The following ANKS1B variants were observed in gnomAD, a reference collection of about 807,000 sequenced individuals.
The protein encoded by ANKS1B is ankyrin repeat and sterile alpha motif domain containing 1B, also known as ankyrin repeat and sterile alpha motif domain-containing protein 1B.
Under a neutral mutation model 148.3 loss-of-function variants are expected in ANKS1B, and 36 were observed. That is an observed-to-expected ratio of 0.24 (90% CI 0.19 to 0.32). The LOEUF is 0.32. ANKS1B is among the 10% of genes least tolerant of loss of function. The probability of loss-of-function intolerance (pLI) is 1.00; values close to 1 mark genes in which losing one functional copy is unlikely to be tolerated. For synonymous variants in ANKS1B, 542 were observed against 560.8 expected, an observed-to-expected ratio of 0.97 and a Z score of 0.47; for missense variants, 1,157 against 1,542.6, an observed-to-expected ratio of 0.75 and a Z score of 4.19.
intron 12 of ANKS1B, among the ~76,000 whole-genome samples, chr12:99,379,303 C>A (rs1469598187): frequency 1.3e-5 from 2 of 151,998 alleles, no homozygotes; most frequent in Admixed American, 1.3e-4. Flanking sequence ...AAGTGCAAGC[C>A]CTGAATCAGA....
chr12:99,341,213 A>G (rs1046392424), intron 12 of ANKS1B: 8 of 152,156 alleles, frequency 5.3e-5, no homozygotes, highest in African/African-American at 1.4e-4. Flanking sequence ...TTACTCTTCT[A>G]TACTTCATGG....
At chr12:99,009,971 A>G (rs1049737430) in intron 17 of ANKS1B, among the ~76,000 whole-genome samples, 4 of 152,192 alleles carry the variant, frequency 2.6e-5, no homozygotes, top group Admixed American at 2.0e-4. Context: ...GAATGTGTGT[A>G]GGATAAAGAA....
At chr12:98,802,556 T>TAA (rs1411104886) in intron 20 of ANKS1B, among the ~76,000 whole-genome samples, 1 of 134,796 alleles carries the variant, frequency 7.4e-6, no homozygotes, top group Non-Finnish European at 1.6e-5. Context: ...CTGCCAATGA[T>TAA]AAAAAGCCCT....
intron 4 of ANKS1B, among the ~76,000 whole-genome samples, chr12:99,783,902 G>A (rs1381088577): frequency 2.0e-5 from 3 of 151,998 alleles, no homozygotes; most frequent in African/African-American, 7.2e-5. Flanking sequence ...ACAAATAAAT[G>A]GCAAATGTTT....
chr12:98,998,000 G>C (rs1383814870), intron 17 of ANKS1B, among the ~76,000 whole-genome samples: 3 of 152,080 alleles, frequency 2.0e-5, no homozygotes, highest in Non-Finnish European at 4.4e-5. Flanking sequence ...ATACTGCCTT[G>C]GCCTGTCTTC....
rs751827343 is a variant in ANKS1B, at chr12:99,897,199, T to C, written c.135-71810A>G. 9.3e-5 allele frequency among the ~76,000 whole-genome samples: 14 copies of C among 151,272 alleles called. 1 individual carries two copies. The highest frequency in any genetic ancestry group is 1.5e-4 in the Non-Finnish European group (10 of 67,590). On this transcript the variant is annotated intron_variant, in intron 1 of 26. Coordinates refer to ENST00000683438, the MANE Select transcript of ANKS1B (RefSeq NM_001352186.2). ...TTTAATGCCTTGACACATACATATTTATCAAAATTGGCAGAGTAATAAAAT... is the reference window on the plus strand; with the variant it reads ...TTTAATGCCTTGACACATACATATTCATCAAAATTGGCAGAGTAATAAAAT...
intron 17 of ANKS1B, among the ~76,000 whole-genome samples, chr12:99,023,530 T>C (rs565493420): frequency 1.3e-4 from 20 of 152,170 alleles, no homozygotes; most frequent in African/African-American, 3.4e-4. Flanking sequence ...AATATCTTTG[T>C]CTTTGTTTCT....
intron 1 of ANKS1B, among the ~76,000 whole-genome samples, chr12:99,877,102 C>T (rs1459858475): frequency 6.6e-6 from 1 of 152,196 alleles, no homozygotes; most frequent in East Asian, 1.9e-4. Flanking sequence ...ACCCCCCCAC[C>T]CCAGTCCCCA....
chr12:98,756,723 CTATCT>C (rs200956629), intron 25 of ANKS1B, among the ~76,000 whole-genome samples: 3,151 of 147,764 alleles, frequency 0.021, 56 homozygotes, highest in African/African-American at 0.044. Context: ...GAGACTCCAT[CTATCT>C]TTTTTTTTTT....
At chr12:98,735,992 ATGGT>A (rs2153347473) in intron 9 of ANKS1B, among the ~76,000 whole-genome samples, 1 of 152,158 alleles carries the variant, frequency 6.6e-6, no homozygotes, top group East Asian at 1.9e-4. Flanking sequence ...CTCCAGTGGG[ATGGT>A]TGGTGTATTC....
At position 99,806,886 on chromosome 12, in the gene ANKS1B, T is replaced by A. The variant is rs576219391; in HGVS notation, c.373-186A>T. Among the ~76,000 whole-genome samples the A allele has an allele frequency of 3.5e-4, 52 of 150,340 alleles. No homozygotes were observed. The East Asian group carries it at 6.6e-3, about 19-fold the overall frequency. ...TAGGATTCATTGAATCAAAAAAAAA[T>A]TTTTTATATCACTTTAATCGAAAAC... On this transcript the variant is annotated intron_variant, in intron 3 of 26. Transcript: ENST00000683438.
intron 19 of ANKS1B, among the ~76,000 whole-genome samples, chr12:98,820,106 C>CTCCA (rs1335235635): frequency 6.6e-6 from 1 of 152,202 alleles, no homozygotes; most frequent in Non-Finnish European, 1.5e-5. Context: ...GAACTCAAAA[C>CTCCA]ATTGCATTGG....
Position 99,192,131 on chromosome 12 carries a change from C to CAAAAAAA in ANKS1B, c.2420-37743_2420-37737dup, listed in dbSNP as rs35767286. Reference sequence around the variant, plus strand: ...TGAGTGACAGAGCAAGACTCCATCTCAAAAAAAAAAAAAAAAAAAAAAAAA... The same window carrying CAAAAAAA: ...TGAGTGACAGAGCAAGACTCCATCTCAAAAAAAAAAAAAAAAAAAAAAAAAAAAAAAA... On this transcript the variant is annotated intron_variant, in intron 14 of 26. Coordinates refer to ENST00000683438, the MANE Select transcript of ANKS1B (RefSeq NM_001352186.2). 3.8e-4 allele frequency among the ~76,000 whole-genome samples: 22 copies of CAAAAAAA among 57,730 alleles called. 1 individual carries two copies. The highest frequency in any genetic ancestry group is 1.1e-3 in the East Asian group (2 of 1,840). The allele number at this position is 57,730 out of a possible 152,430, so 37.9% of individuals were successfully genotyped here.
chr12:99,154,452 T>C, intron 14 of ANKS1B, 57 bp from the exon 15 acceptor site: 1 of 1,613,392 alleles, frequency 6.2e-7, no homozygotes, highest in Non-Finnish European at 8.5e-7. Flanking sequence ...CACGGGGTAA[T>C]AGCGGTAGTC....
chr12:98,735,093 G>C, exon 10 of ANKS1B: 1 of 398,024 alleles, frequency 2.5e-6, no homozygotes, highest in East Asian at 3.6e-5. Context: ...AAAGAAAAAT[G>C]GGAAGAAAGA....
At chr12:99,648,416 C>T (rs367749248) in intron 9 of ANKS1B, 29 of 1,614,192 alleles carry the variant, frequency 1.8e-5, no homozygotes, top group South Asian at 1.3e-4. Context: ...CCCTGCCTCA[C>T]ACTACCTGAT....
chr12:99,262,674 A>C (rs1394951158), intron 12 of ANKS1B, among the ~76,000 whole-genome samples: 1 of 151,902 alleles, frequency 6.6e-6, no homozygotes, highest in African/African-American at 2.4e-5. Flanking sequence ...TTATGTAATT[A>C]AAAAAAATTT....
At chr12:99,366,276 T>C (rs2092761597) in intron 12 of ANKS1B, among the ~76,000 whole-genome samples, 1 of 152,228 alleles carries the variant, frequency 6.6e-6, no homozygotes, top group African/African-American at 2.4e-5. Flanking sequence ...GGTTCCATTA[T>C]TTCCTTGGTT....
intron 8 of ANKS1B, among the ~76,000 whole-genome samples, chr12:99,680,720 C>T (rs1297408965): frequency 6.6e-6 from 1 of 152,172 alleles, no homozygotes; most frequent in Non-Finnish European, 1.5e-5. Context: ...CTTGCTTTCT[C>T]AGCTCTTAGT....
Sources: gnomAD v4.1 joint callset for allele counts (sites outside exome capture counted in the v4.1 genomes callset) on GRCh38, gnomAD v4.1.1 for gene constraint, MANE v1.5 for transcripts, NCBI Gene and HGNC (gene_info 2026-07-23, HGNC 2026-07-21) for gene names.